Variants in CCDC88C observed in about 807,000 individuals in gnomAD.
CCDC88C encodes the protein coiled-coil and HOOK domain protein 88C.
In CCDC88C, 131 loss-of-function variants were observed where a neutral mutation model predicts 198.8. The ratio of observed to expected loss-of-function variants is 0.66; its 90% CI spans 0.57 to 0.76. The LOEUF is 0.76. CCDC88C is among the 30% of genes least tolerant of loss of function. The pLI is 0.00. For missense variants in CCDC88C, 2,553 were observed against 2,631.6 expected, an observed-to-expected ratio of 0.97 and a Z score of 0.65; for synonymous variants, 1,166 against 1,114.7, an observed-to-expected ratio of 1.05 and a Z score of -0.92.
At chr14:91,386,666 A>G (rs2139967098) in intron 3 of CCDC88C, among the ~76,000 whole-genome samples, 1 of 152,260 alleles carries the variant, frequency 6.6e-6, no homozygotes, top group African/African-American at 2.4e-5. Context: ...CTTGCATGCC[A>G]CCTTTTAGAC....
Position 91,313,121 on chromosome 14 carries a change from G to C in CCDC88C, c.2695C>G (p.Gln899Glu), listed in dbSNP as rs1891909641. 1 of 1,603,932 alleles carries C rather than the reference G, an allele frequency of 6.2e-7. No individual in the cohort carries two copies. The change falls in exon 15 of 30, where the codon CAA (glutamine) becomes GAA (glutamate). Residue 899 changes from glutamine (Q) to glutamate (E), a missense_variant. Transcript: ENST00000389857. This position sits in a 1 kb window ranked among gnomAD's most constrained non-coding sequence, Gnocchi z 5.2. Reference sequence around the variant, plus strand: ...AGTGTCCTTGCATGCACGGTGACTTGCTTGGTGAGGTCCCGGTTGTCCTTC... The same window carrying C: ...AGTGTCCTTGCATGCACGGTGACTTCCTTGGTGAGGTCCCGGTTGTCCTTC... ...LEKDNRDLTK[Q>E]VTVHARTLTT... is the part of the protein sequence containing the mutation.
At chr14:91,404,421 GA>G (rs1278382128) in intron 3 of CCDC88C, among the ~76,000 whole-genome samples, 5 of 152,188 alleles carry the variant, frequency 3.3e-5, no homozygotes, top group Admixed American at 2.6e-4. Context: ...GACTCTTCTA[GA>G]AATCACCAGA....
intron 3 of CCDC88C, chr14:91,379,677 T>C: frequency 1.7e-6 from 1 of 603,214 alleles, no homozygotes. Context: ...CAGCACCCAT[T>C]CTCCTTGCTG....
chr14:91,298,016 AAAC>A (rs1463099884), intron 21 of CCDC88C, among the ~76,000 whole-genome samples: 1 of 152,244 alleles, frequency 6.6e-6, no homozygotes. Context: ...GCTATCATCA[AAAC>A]AACTATTATC....
chr14:91,407,384 T>C (rs946771569), intron 3 of CCDC88C, among the ~76,000 whole-genome samples: 3 of 152,128 alleles, frequency 2.0e-5, no homozygotes, highest in African/African-American at 7.2e-5. Context: ...CATCCAAAGA[T>C]GCTCCCGAAT....
chr14:91,390,221 T>C (rs971578147), intron 3 of CCDC88C, among the ~76,000 whole-genome samples: 1 of 152,204 alleles, frequency 6.6e-6, no homozygotes, highest in Non-Finnish European at 1.5e-5. Flanking sequence ...AAACCCCTTA[T>C]GATGACTGTC....
At chr14:91,306,733 CT>C (rs1258199567) in intron 18 of CCDC88C, among the ~76,000 whole-genome samples, 17 of 152,342 alleles carry the variant, frequency 1.1e-4, no homozygotes, top group Middle Eastern at 3.4e-3. Context: ...GCTAATAAAA[CT>C]TTATTTACAA....
chr14:91,395,592 G>C (rs950083868), intron 3 of CCDC88C, among the ~76,000 whole-genome samples: 1 of 152,052 alleles, frequency 6.6e-6, no homozygotes, highest in Non-Finnish European at 1.5e-5. Context: ...AACCAAAGAA[G>C]TCACCCCACA....
intron 4 of CCDC88C, among the ~76,000 whole-genome samples, chr14:91,353,218 G>A (rs1893893129): frequency 6.6e-6 from 1 of 152,092 alleles, no homozygotes; most frequent in Non-Finnish European, 1.5e-5. Flanking sequence ...GAGACTTCCA[G>A]CAACTTGCAC....
chr14:91,381,746 A>C lies in CCDC88C; in HGVS notation c.271-22035T>G, dbSNP rs1457822845. ...GTACTTGGGAGGCTGAGGCAGGAGAATCGCTTGAACCCAGGAGGCAGAGGT... is the reference window on the plus strand; with the variant it reads ...GTACTTGGGAGGCTGAGGCAGGAGACTCGCTTGAACCCAGGAGGCAGAGGT... On this transcript the variant is annotated intron_variant, in intron 3 of 29. Coordinates refer to ENST00000389857, the MANE Select transcript of CCDC88C (RefSeq NM_001080414.4). This position sits in a 1 kb window ranked among gnomAD's most constrained non-coding sequence, Gnocchi z 4.2. Among the ~76,000 whole-genome samples the C allele has an allele frequency of 1.3e-5, 2 of 152,198 alleles. No individual in the cohort carries two copies. The highest frequency in any genetic ancestry group is 4.8e-5 in the African/African-American group (2 of 41,448).
At chr14:91,388,564 G>GC (rs1884576475) in intron 3 of CCDC88C, among the ~76,000 whole-genome samples, 1 of 152,192 alleles carries the variant, frequency 6.6e-6, no homozygotes, top group South Asian at 2.1e-4. Flanking sequence ...GACGGTGACC[G>GC]CGTCTGCTGC....
In CCDC88C at chr14:91,281,523, A is replaced by T. The variant is rs1188439076; in HGVS notation, c.4633T>A (p.Tyr1545Asn). Residue 1545 changes from tyrosine (Y) to asparagine (N), a missense_variant and splice_region_variant, in exon 27 of 30, where the codon TAT becomes AAT. Coordinates refer to ENST00000389857, the MANE Select transcript of CCDC88C (RefSeq NM_001080414.4). ...TCACAGAGGTTGTCATCTGAGTTAT[A>T]GCCTAAGGTGAAAATAAGGCTAGTG... ...IARHPGRTKG[Y>N]NSDDNLCEPS... 23 of 1,613,826 alleles carry T rather than the reference A, an allele frequency of 1.4e-5. No individual in the cohort carries two copies. The highest frequency in any genetic ancestry group is 1.9e-5 in the Non-Finnish European group (22 of 1,179,766).
Position 91,313,550 on chromosome 14 carries a change from G to A in CCDC88C, c.2266C>T (p.Arg756Cys), listed in dbSNP as rs774199298. The change falls in exon 15 of 30, where the codon CGC (arginine) becomes TGC (cysteine). Residue 756 changes from arginine (R) to cysteine (C), a missense_variant. By Grantham distance (180) the Arg-to-Cys change is radical. Around this residue, in one of 2 missense-constraint regions of CCDC88C, gnomAD observed 1,260 missense variants for 1,412.0 expected, o/e 0.89. Coordinates refer to ENST00000389857, the MANE Select transcript of CCDC88C (RefSeq NM_001080414.4). The surrounding 1 kb of genome is among the most constrained non-coding windows in gnomAD (Gnocchi z 5.2). ...LLKALGKKSERLELSYQSVSA... is the reference protein window; with the variant it reads ...LLKALGKKSECLELSYQSVSA... Reference sequence around the variant, plus strand: ...ACGCTCTGGTAGCTGAGCTCCAGGCGCTCTGACTTCTTGCCCAGCGCCTTG... The same window carrying A: ...ACGCTCTGGTAGCTGAGCTCCAGGCACTCTGACTTCTTGCCCAGCGCCTTG... The A allele has an allele frequency of 2.8e-5, 45 of 1,610,628 alleles. No homozygotes were observed. Among genetic ancestry groups the A allele is most frequent in the Middle Eastern group, 1.6e-4 (1 of 6,084 alleles).
chr14:91,340,051 C>A, intron 6 of CCDC88C, 27 bp from the exon 7 acceptor site: 1 of 1,605,880 alleles, frequency 6.2e-7, no homozygotes, highest in South Asian at 1.1e-5. Flanking sequence ...CAGGGCACTG[C>A]AGGGGCGGCA....
Position 91,278,153 on chromosome 14 carries a change from G to A in CCDC88C, c.4827C>T (p.Pro1609=), listed in dbSNP as rs1890045422. The A allele has an allele frequency of 3.1e-6, 5 of 1,613,104 alleles. No individual in the cohort carries two copies. In the African/African-American group the frequency reaches 5.3e-5, roughly 17 times the overall value. Residue 1609 remains proline (P), a synonymous_variant, in exon 29 of 30, where the codon CCC becomes CCT. Coordinates refer to ENST00000389857, the MANE Select transcript of CCDC88C (RefSeq NM_001080414.4). The stretch of plus-strand genomic sequence containing the variant: ...GGGGCAAAGTGGCCAGGTCCCTGCT[G>A]GGGATCAGGTCTTCGCTGCTGAAGC... ...SESFSSEDLI[P]SRDLATLPRE...
intron 12 of CCDC88C, among the ~76,000 whole-genome samples, chr14:91,321,679 C>A (rs916894947): frequency 7.9e-5 from 12 of 152,188 alleles, no homozygotes; most frequent in African/African-American, 2.7e-4. Context: ...TCCATACCCC[C>A]CAGAGCATAA....
chr14:91,292,046 C>T (rs1407572995), intron 23 of CCDC88C, among the ~76,000 whole-genome samples: 2 of 152,150 alleles, frequency 1.3e-5, no homozygotes, highest in African/African-American at 4.8e-5. Context: ...CGTCTGAAAA[C>T]GAGGCCTTAC....
chr14:91,283,396 T>C lies in CCDC88C; in HGVS notation c.4563A>G (p.Ser1521=), dbSNP rs1205080816. The C allele has an allele frequency of 6.2e-7, 1 of 1,613,724 alleles. No homozygotes were observed. The highest frequency in any genetic ancestry group is 8.5e-7 in the Non-Finnish European group (1 of 1,179,802). The change falls in exon 26 of 30, where the codon TCA becomes TCG. Residue 1521 remains serine (S), a synonymous_variant. Transcript: ENST00000389857. ...AAGGGGCTGTAGTGGTGGCTGAAGTTGAGCAAGTCCGGGAGCCCAGCTCCG... is the reference window on the plus strand; with the variant it reads ...AAGGGGCTGTAGTGGTGGCTGAAGTCGAGCAAGTCCGGGAGCCCAGCTCCG... The part of the protein sequence containing the change: ...WPSELGSRTC[S]TSATTTAPSN...
rs1242924316 is a variant in CCDC88C, at chr14:91,293,442, A to G, written c.4112+731T>C. Among the ~76,000 whole-genome samples, 195 of 30,506 alleles carry G rather than the reference A, an allele frequency of 6.4e-3. 2 individuals carry two copies. Among genetic ancestry groups the G allele is most frequent in the Middle Eastern group, 0.024 (1 of 42 alleles). The allele number at this position is 30,506 out of a possible 152,430, so 20.0% of individuals were successfully genotyped here. ...TGCCACGGCCCACCTTCCCGTCCTCACCTGCCACGGTCCACCTTCCCATCC... is the reference window on the plus strand; with the variant it reads ...TGCCACGGCCCACCTTCCCGTCCTCGCCTGCCACGGTCCACCTTCCCATCC... On this transcript the variant is annotated intron_variant, in intron 23 of 29. Transcript: ENST00000389857.
Sources: gnomAD v4.1 joint callset for allele counts (sites outside exome capture counted in the v4.1 genomes callset) on GRCh38, gnomAD v4.1.1 for gene constraint, gnomAD v4.1.1 regional missense constraint, Gnocchi (gnomAD v3.1) non-coding constraint, MANE v1.5 for transcripts, NCBI Gene and HGNC (gene_info 2026-07-23, HGNC 2026-07-21) for gene names.